WDR4: variants seen among roughly 807,000 people sequenced by gnomAD.
WDR4 encodes tRNA (guanine-N(7)-)-methyltransferase non-catalytic subunit WDR4.
In WDR4, 47 loss-of-function variants were observed where a neutral mutation model predicts 48.6. That is an observed-to-expected ratio of 0.97 (90% CI 0.77 to 1.23). The LOEUF (loss-of-function observed/expected upper bound fraction) is 1.23. Ranked by LOEUF, WDR4 falls within the 50% of genes most tolerant of loss-of-function variation. The pLI is 0.00. For missense variants in WDR4, 606 were observed against 551.6 expected (o/e 1.10, Z -0.99); for synonymous variants, 268 against 230.0 (o/e 1.17, Z -1.49).
At chr21:42,885,970 T>C in the WDR4 span, among the ~76,000 whole-genome samples, 1 of 151,310 alleles carries the variant, frequency 6.6e-6, no homozygotes, top group South Asian at 2.1e-4. Context: ...TTTTTTTTTT[T>C]TTTTTTGAGA....
intron 3 of WDR4, among the ~76,000 whole-genome samples, chr21:42,867,517 G>A (rs2058275773): frequency 6.6e-6 from 1 of 152,120 alleles, no homozygotes; most frequent in Non-Finnish European, 1.5e-5. Context: ...GACGAAAAGT[G>A]CTTTGCACTT....
chr21:42,864,497 AC>A (rs924994686), intron 3 of WDR4, among the ~76,000 whole-genome samples: 1 of 152,120 alleles, frequency 6.6e-6, no homozygotes, highest in Non-Finnish European at 1.5e-5. Context: ...TCAGGGCAGG[AC>A]CCAGCCCAGG....
rs758624213 is a variant in WDR4, at chr21:42,850,031, C to T, written c.*18G>A. On this transcript the variant is annotated 3_prime_UTR_variant, in exon 11 of 11. Coordinates refer to ENST00000398208, the MANE Select transcript of WDR4 (RefSeq NM_018669.6). ...GCTTTTCCTAATTTGAGGTGAGAGA[C>T]ACCACTGACCGCCACGATCAGCAAC... 2.5e-5 allele frequency: 41 copies of T among 1,610,306 alleles called. No homozygotes were observed. In the African/African-American group the frequency reaches 2.9e-4, roughly 12 times the overall value.
chr21:42,848,404 C>T (rs1235767491), downstream of WDR4, among the ~76,000 whole-genome samples: 4 of 143,448 alleles, frequency 2.8e-5, no homozygotes, highest in African/African-American at 5.3e-5. Flanking sequence ...CACGATCACG[C>T]GGCGCGCACC....
At chr21:42,878,847 G>T in intron 1 of WDR4, 1 of 616,572 alleles carries the variant, frequency 1.6e-6, no homozygotes, top group Non-Finnish European at 2.0e-6. Context: ...TTGGGTAAGT[G>T]TCGGAGATGA....
upstream of WDR4, among the ~76,000 whole-genome samples, chr21:42,882,430 G>A (rs1252432722): frequency 6.6e-6 from 1 of 150,714 alleles, no homozygotes; most frequent in African/African-American, 2.4e-5. Flanking sequence ...GGGCTTGGTG[G>A]CATGCACCTG....
At chr21:42,852,482 C>G (rs1176540889) in intron 9 of WDR4, among the ~76,000 whole-genome samples, 158 bp from the exon 10 acceptor site, 1 of 152,240 alleles carries the variant, frequency 6.6e-6, no homozygotes, top group Admixed American at 6.5e-5. Context: ...GGGGAGGCAG[C>G]CCCCGCAGCT....
chr21:42,884,345 C>T (rs2058624237), upstream of WDR4, among the ~76,000 whole-genome samples: 1 of 152,240 alleles, frequency 6.6e-6, no homozygotes, highest in South Asian at 2.1e-4. Context: ...TTGCAATGAG[C>T]TGAGATTGCG....
chr21:42,861,024 C>T (rs1026312029), intron 5 of WDR4, among the ~76,000 whole-genome samples: 3 of 152,122 alleles, frequency 2.0e-5, no homozygotes, highest in Non-Finnish European at 2.9e-5. Context: ...GAAAAGTAAA[C>T]GGGCAGGCCG....
At chr21:42,877,553 C>T (rs1432598487) in intron 1 of WDR4, among the ~76,000 whole-genome samples, 1 of 150,480 alleles carries the variant, frequency 6.6e-6, no homozygotes, top group African/African-American at 2.5e-5. Context: ...AAGTTGTATA[C>T]TTGACAAGAA....
intron 9 of WDR4, 29 bp downstream of exon 9, chr21:42,853,540 T>C (rs1006384461): frequency 8.8e-6 from 14 of 1,595,484 alleles, no homozygotes; most frequent in Middle Eastern, 1.8e-4. Flanking sequence ...AGGCAGGGCA[T>C]AGGACATCTG....
chr21:42,853,822 C>CCCAGA, intron 8 of WDR4, 70 bp from the exon 9 acceptor site: 1 of 1,474,412 alleles, frequency 6.8e-7, no homozygotes, highest in Admixed American at 2.0e-5. Flanking sequence ...CAGCCAGCAC[C>CCCAGA]CCAGACGGTG....
At chr21:42,864,653 C>A (rs1455489993) in intron 3 of WDR4, among the ~76,000 whole-genome samples, 1 of 152,154 alleles carries the variant, frequency 6.6e-6, no homozygotes, top group African/African-American at 2.4e-5. Context: ...CACCAGAGTT[C>A]CGGATGCAGC....
rs2058149327 is a variant in WDR4 at position 42,862,777 on chromosome 21, AT to A, written c.454-384del. Among the ~76,000 whole-genome samples, 1 of 151,822 alleles carries A rather than the reference AT, an allele frequency of 6.6e-6. No individual in the cohort carries two copies. The highest frequency in any genetic ancestry group is 6.6e-5 in the Admixed American group (1 of 15,256). On this transcript the variant is annotated intron_variant, in intron 4 of 10. Transcript: ENST00000398208. The surrounding 1 kb of genome is among the most constrained non-coding windows in gnomAD (Gnocchi z 4.3). ...TGCCTTCCTTGCCTTCCTGTCACAC[AT>A]GTCCCCACACCCATCTGTCACCAAG... is the stretch of plus-strand genomic sequence containing the variant.
chr21:42,882,302 C>A (rs2058615252), upstream of WDR4, among the ~76,000 whole-genome samples: 1 of 151,314 alleles, frequency 6.6e-6, no homozygotes, highest in Non-Finnish European at 1.5e-5. Flanking sequence ...GTGGCTCACA[C>A]CTGTAATCCC....
chr21:42,854,460 C>G, intron 8 of WDR4, 102 bp downstream of exon 8: 1 of 1,210,026 alleles, frequency 8.3e-7, no homozygotes, highest in Non-Finnish European at 1.1e-6. Flanking sequence ...CACCACCGTT[C>G]AGGACCTCTT....
chr21:42,884,573 G>A, the WDR4 span, among the ~76,000 whole-genome samples: 1 of 151,730 alleles, frequency 6.6e-6, no homozygotes, highest in South Asian at 2.1e-4. Context: ...CTTGAACCCG[G>A]GAGGCAGAGG....
chr21:42,862,519 A>T lies in WDR4; in HGVS notation c.454-125T>A. On this transcript the variant is annotated intron_variant, in intron 4 of 10. Transcript: ENST00000398208. The surrounding 1 kb of genome is among the most constrained non-coding windows in gnomAD (Gnocchi z 4.3). The stretch of plus-strand genomic sequence containing the variant: ...AAGAGGATGAGGCCTTCGAGGACAG[A>T]CCAGCGTGGCTCCTCCCCTCCTCCC... The T allele has an allele frequency of 1.2e-6, 1 of 811,116 alleles. No homozygotes were observed. The highest frequency in any genetic ancestry group is 2.0e-6 in the Non-Finnish European group (1 of 512,082). 50.2% of individuals were successfully genotyped at this position (811,116 alleles called of 1,614,324 possible).
chr21:42,846,790 G>A (rs949349154), downstream of WDR4, among the ~76,000 whole-genome samples: 2 of 152,172 alleles, frequency 1.3e-5, no homozygotes, highest in Non-Finnish European at 2.9e-5. Flanking sequence ...GGGAGTGCGA[G>A]GCGAGAGGAT....
Sources: allele counts gnomAD v4.1 joint callset (sites outside exome capture counted in the v4.1 genomes callset), GRCh38; gene constraint gnomAD v4.1.1; non-coding constraint Gnocchi (gnomAD v3.1); transcripts MANE v1.5; gene names NCBI Gene and HGNC (gene_info 2026-07-23, HGNC 2026-07-21).